MDN1: variants seen among roughly 807,000 people sequenced by gnomAD.
MDN1 encodes midasin AAA ATPase 1, also known as midasin.
Under a neutral mutation model 669.2 loss-of-function variants are expected in MDN1, and 266 were observed. That is an observed-to-expected ratio of 0.40 (90% CI 0.36 to 0.44). MDN1 has a LOEUF of 0.44. MDN1 is among the 20% of genes least tolerant of loss of function. The probability of loss-of-function intolerance (pLI) is 1.00; values close to 1 mark genes in which losing one functional copy is unlikely to be tolerated. For synonymous variants in MDN1, 2,385 were observed against 2,457.1 expected (o/e 0.97, Z 0.87); for missense variants, 5,940 against 6,754.0 (o/e 0.88, Z 4.22).
At chr6:89,668,526 CTG>C (rs149364536) in intron 83 of MDN1, among the ~76,000 whole-genome samples, 1,759 of 152,254 alleles carry the variant, frequency 0.012, 37 homozygotes, top group African/African-American at 0.039. Context: ...ATAGTAATAA[CTG>C]TGAAATGTTG....
At chr6:89,731,340 T>C (rs995591899) in intron 34 of MDN1, among the ~76,000 whole-genome samples, 7 of 152,110 alleles carry the variant, frequency 4.6e-5, no homozygotes, top group African/African-American at 9.7e-5. Context: ...CTATTCACAA[T>C]AGCAAAGACT....
intron 1 of MDN1, chr6:89,814,933 C>A: frequency 2.1e-6 from 1 of 481,526 alleles, no homozygotes; most frequent in Non-Finnish European, 4.0e-6. Context: ...GGCTGCAGCT[C>A]GCTCAGCTAA....
At chr6:89,744,603 A>G (rs1174581986) in intron 29 of MDN1, among the ~76,000 whole-genome samples, 1 of 151,478 alleles carries the variant, frequency 6.6e-6, no homozygotes, top group Non-Finnish European at 1.5e-5. Context: ...GGGTTTTGCC[A>G]TGTTGCCCAG....
intron 97 of MDN1, among the ~76,000 whole-genome samples, 170 bp downstream of exon 97, chr6:89,649,854 C>T (rs1277019287): frequency 6.6e-6 from 1 of 152,186 alleles, no homozygotes; most frequent in African/African-American, 2.4e-5. Context: ...TAGGTCTTAT[C>T]AAAGATGGTT....
chr6:89,812,846 C>T (rs958918927), intron 1 of MDN1, among the ~76,000 whole-genome samples: 3 of 152,162 alleles, frequency 2.0e-5, no homozygotes, highest in African/African-American at 7.2e-5. Flanking sequence ...TACCTGCAAT[C>T]CCAACACTTT....
At chr6:89,755,284 C>T (rs1817186931) in intron 20 of MDN1, among the ~76,000 whole-genome samples, 1 of 151,606 alleles carries the variant, frequency 6.6e-6, no homozygotes, top group South Asian at 2.1e-4. Context: ...TAGCTCAACC[C>T]TGTAATTCCA....
chr6:89,697,027 GTCAAC>G (rs1345294483), intron 59 of MDN1, among the ~76,000 whole-genome samples: 1 of 152,210 alleles, frequency 6.6e-6, no homozygotes, highest in Non-Finnish European at 1.5e-5. Context: ...GTGTGTGATA[GTCAAC>G]TCTGTATAAT....
chr6:89,733,964 G>A (rs980615271), intron 33 of MDN1, among the ~76,000 whole-genome samples: 1 of 152,028 alleles, frequency 6.6e-6, no homozygotes, highest in Non-Finnish European at 1.5e-5. Context: ...AAGACATAAT[G>A]AATACCAAAT....
At chr6:89,815,625 G>C (rs1407171146) in intron 1 of MDN1, among the ~76,000 whole-genome samples, 1 of 152,178 alleles carries the variant, frequency 6.6e-6, no homozygotes, top group Non-Finnish European at 1.5e-5. Context: ...TCTTGCAGAG[G>C]TGGGGAGAAT....
intron 94 of MDN1, 51 bp from the exon 95 acceptor site, chr6:89,652,332 C>A: frequency 1.5e-6 from 2 of 1,363,280 alleles, no homozygotes; most frequent in Non-Finnish European, 2.1e-6. Flanking sequence ...GAATCACCAA[C>A]TTAGTATCAC....
In MDN1 at chr6:89,662,936, G is replaced by A. The variant is rs773561446; in HGVS notation, c.14268C>T (p.Gly4756=). The A allele has an allele frequency of 1.2e-6, 2 of 1,613,914 alleles. No individual in the cohort carries two copies. Among genetic ancestry groups the A allele is most frequent in the East Asian group, 2.2e-5 (1 of 44,844 alleles). The stretch of plus-strand genomic sequence containing the variant: ...CGCCCATGTGTTTATCCAGGTCTCC[G>A]CCCTCACTATCTGATTTCTCATCAT... ...EEDDEKSDSE[G]GDLDKHMGDL... Residue 4756 remains glycine (G), a synonymous_variant, in exon 86 of 102, where the codon GGC becomes GGT. Transcript: ENST00000369393.
intron 1 of MDN1, among the ~76,000 whole-genome samples, chr6:89,805,865 G>C (rs1242298906): frequency 1.3e-5 from 2 of 152,160 alleles, no homozygotes; most frequent in Non-Finnish European, 2.9e-5. Flanking sequence ...TAACAGATTT[G>C]GTCATGATAC....
At chr6:89,698,682 C>T (rs1812941613) in intron 59 of MDN1, among the ~76,000 whole-genome samples, 183 bp downstream of exon 59, 2 of 152,070 alleles carry the variant, frequency 1.3e-5, no homozygotes, top group South Asian at 4.2e-4. Context: ...CAAAATTTCA[C>T]AAATTATTTA....
intron 46 of MDN1, among the ~76,000 whole-genome samples, chr6:89,714,120 T>C (rs1356754786): frequency 3.3e-5 from 5 of 152,124 alleles, no homozygotes; most frequent in Non-Finnish European, 7.4e-5. Flanking sequence ...CAAGCAATAC[T>C]TCATTTATTA....
rs558098713 is a variant in MDN1, at chr6:89,770,434, TACAGCAGTATAG to T, written c.2144+1115_2144+1126del. On this transcript the variant is annotated intron_variant, in intron 15 of 101. Coordinates refer to ENST00000369393, the MANE Select transcript of MDN1 (RefSeq NM_014611.3). ...AAAAAAAAGAATAAAGGTAAATATA[TACAGCAGTATAG>T]ACATGTCTGCTTAAATGAAAAATCA... 5.4e-3 allele frequency among the ~76,000 whole-genome samples: 815 copies of T among 150,804 alleles called. 4 individuals are homozygous for T. The highest frequency in any genetic ancestry group is 8.9e-3 in the Non-Finnish European group (606 of 67,784).
chr6:89,677,690 G>A lies in MDN1; in HGVS notation c.12419C>T (p.Ser4140Leu), dbSNP rs201665661. Residue 4140 changes from serine (S) to leucine (L), a missense_variant, in exon 76 of 102, where the codon TCG becomes TTG. Ser to Leu is a moderately radical substitution (Grantham distance 145, BLOSUM62 -2). Coordinates refer to ENST00000369393, the MANE Select transcript of MDN1 (RefSeq NM_014611.3). ...LFKHLAKIGLSYRKGLAWARS... is the reference protein window; with the variant it reads ...LFKHLAKIGLLYRKGLAWARS... ...GGCCCAAGCAAGACCTTTGCGATACGACAAACCTAGGAAATAAACAGCATT... is the reference window on the plus strand; with the variant it reads ...GGCCCAAGCAAGACCTTTGCGATACAACAAACCTAGGAAATAAACAGCATT... 19 of 1,613,954 alleles carry A rather than the reference G, an allele frequency of 1.2e-5. No individual in the cohort carries two copies. Among genetic ancestry groups the A allele is most frequent in the Middle Eastern group, 1.6e-4 (1 of 6,062 alleles).
At position 89,781,605 on chromosome 6, in the gene MDN1, GA is replaced by G. The variant is rs141182670; in HGVS notation, c.1450-14del. 3,456 of 1,532,600 alleles carry G rather than the reference GA, an allele frequency of 2.3e-3. 51 individuals are homozygous for G. In the African/African-American group the frequency reaches 0.039, roughly 17 times the overall value. 94.9% of individuals were successfully genotyped at this position (1,532,600 alleles called of 1,614,324 possible). A position where few individuals can be genotyped will look rare whatever the true frequency, so the allele number is the denominator to read the frequency against. On this transcript the variant is annotated splice_polypyrimidine_tract_variant and intron_variant, in intron 9 of 101. Transcript: ENST00000369393. ...TGCTCTGAAGAACCTGACAGAGGGG[GA>G]AAAAAAAGAAAATTTAACAGCCAGC...
At chr6:89,672,121 G>A (rs1247953748) in intron 82 of MDN1, 79 bp downstream of exon 82, 18 of 1,418,846 alleles carry the variant, frequency 1.3e-5, no homozygotes, top group Admixed American at 8.1e-5. Flanking sequence ...ACTTATCTAC[G>A]TGGAGGGAAG....
intron 23 of MDN1, 105 bp from the exon 24 acceptor site, chr6:89,750,637 C>T: frequency 8.7e-7 from 1 of 1,148,040 alleles, no homozygotes; most frequent in Non-Finnish European, 1.3e-6. Context: ...GGGTTTCACT[C>T]TGTTGCCCAG....
Sources: gnomAD v4.1 joint callset for allele counts (sites outside exome capture counted in the v4.1 genomes callset) on GRCh38, gnomAD v4.1.1 for gene constraint, MANE v1.5 for transcripts, NCBI Gene and HGNC (gene_info 2026-07-23, HGNC 2026-07-21) for gene names.